TRIM14: variants seen among roughly 807,000 people sequenced by gnomAD.
The protein encoded by TRIM14 is tripartite motif containing 14.
In TRIM14, 28 loss-of-function variants were observed where a neutral mutation model predicts 44.5. That is an observed-to-expected ratio of 0.63 (90% CI 0.47 to 0.86). The LOEUF is 0.86. TRIM14 is among the 40% of genes least tolerant of loss of function. The pLI is 0.00. For synonymous variants in TRIM14, 299 were observed against 269.2 expected (o/e 1.11, Z -1.08); for missense variants, 607 against 611.1 (o/e 0.99, Z 0.07).
the TRIM14 span, among the ~76,000 whole-genome samples, chr9:98,050,012 G>C: frequency 3.3e-5 from 5 of 152,170 alleles, no homozygotes; most frequent in Non-Finnish European, 5.9e-5. Context: ...GAAGATTTAT[G>C]GACAGGAAAA....
chr9:98,062,344 T>C, the TRIM14 span, among the ~76,000 whole-genome samples: 7 of 152,056 alleles, frequency 4.6e-5, no homozygotes, highest in African/African-American at 1.4e-4. Flanking sequence ...TCACCGGTGG[T>C]TTTTGGCTTG....
chr9:98,092,421 G>T (rs1196365962), intron 4 of TRIM14: 1 of 314,668 alleles, frequency 3.2e-6, no homozygotes, highest in African/African-American at 2.2e-5. Context: ...CCTCTGCCTG[G>T]ACAGCCCCCC....
chr9:98,049,942 A>T, the TRIM14 span, among the ~76,000 whole-genome samples: 1 of 152,218 alleles, frequency 6.6e-6, no homozygotes, highest in African/African-American at 2.4e-5. Flanking sequence ...CAAGTCACGA[A>T]TTGAGCAGCT....
Position 98,084,587 on chromosome 9 carries a change from C to CTGAGTGCTGAGTGCTGAGAG in TRIM14, c.*2882_*2883insCTCTCAGCACTCAGCACTCA, listed in dbSNP as rs1554731348. On this transcript the variant is annotated 3_prime_UTR_variant, in exon 6 of 6. Transcript: ENST00000341469. The stretch of plus-strand genomic sequence containing the variant: ...TGCTGCCACATGGCAGCTGGGAATA[C>CTGAGTGCTGAGTGCTGAGAG]CAGTAGTCTCAGCACTCGGTCAGTA... 1 of 152,202 alleles carries CTGAGTGCTGAGTGCTGAGAG rather than the reference C, an allele frequency of 6.6e-6. No homozygotes were observed. The highest frequency in any genetic ancestry group is 1.5e-5 in the Non-Finnish European group (1 of 68,034). 9.4% of individuals were successfully genotyped at this position (152,202 alleles called of 1,614,324 possible).
chr9:98,103,363 C>T lies in TRIM14; in HGVS notation c.304-3199G>A, dbSNP rs78297486. ...AAACCTGTATATGGACATATGTATA[C>T]ATCTATATATTTGCAAGTGCAATTA... On this transcript the variant is annotated intron_variant, in intron 2 of 5. Transcript: ENST00000341469. 3.5e-3 allele frequency among the ~76,000 whole-genome samples: 532 copies of T among 151,902 alleles called. 2 individuals are homozygous for T. The highest frequency in any genetic ancestry group is 0.014 in the Middle Eastern group (4 of 290).
the TRIM14 span, among the ~76,000 whole-genome samples, chr9:98,062,768 G>A: frequency 1.5e-5 from 2 of 135,656 alleles, no homozygotes; most frequent in African/African-American, 5.4e-5. Context: ...GGATACGGAA[G>A]TTATTTCAGT....
the TRIM14 span, among the ~76,000 whole-genome samples, chr9:98,046,614 C>T: frequency 6.6e-6 from 1 of 151,930 alleles, no homozygotes. Context: ...GCTAATTTTG[C>T]ATTCTTATTA....
downstream of TRIM14, among the ~76,000 whole-genome samples, chr9:98,066,673 C>T (rs1283787447): frequency 4.0e-5 from 6 of 148,780 alleles, no homozygotes; most frequent in Non-Finnish European, 8.9e-5. Flanking sequence ...TTTTTTGAGA[C>T]AGAGTCTCGC....
chr9:98,086,344 TCTG>T lies in TRIM14; in HGVS notation c.*1123_*1125del, dbSNP rs1381532260. The T allele has an allele frequency of 6.6e-6, 1 of 152,258 alleles. No individual in the cohort carries two copies. The highest frequency in any genetic ancestry group is 1.9e-4 in the East Asian group (1 of 5,196). 9.4% of individuals were successfully genotyped at this position (152,258 alleles called of 1,614,324 possible). On this transcript the variant is annotated 3_prime_UTR_variant, in exon 6 of 6. Transcript: ENST00000341469. ...TCACCCCGGGGTAACTTTACGCAGCTCTGCTTTCTTTCAGGACCTCAGACTCCC... is the reference window on the plus strand; with the variant it reads ...TCACCCCGGGGTAACTTTACGCAGCTCTTTCTTTCAGGACCTCAGACTCCC...
rs766055755 is a variant in TRIM14 at position 98,109,873 on chromosome 9, A to C, written c.303+16T>G. 5 of 1,601,858 alleles carry C rather than the reference A, an allele frequency of 3.1e-6. No individual in the cohort carries two copies. The highest frequency in any genetic ancestry group is 1.1e-5 in the South Asian group (1 of 90,842). On this transcript the variant is annotated intron_variant, in intron 2 of 5. Transcript: ENST00000341469. Reference sequence around the variant, plus strand: ...GTGGGTCTTTCCATGGGTATGAGGAAGAAATGTCCACTTGCCTTGAGCTTC... The same window carrying C: ...GTGGGTCTTTCCATGGGTATGAGGACGAAATGTCCACTTGCCTTGAGCTTC...
chr9:98,035,977 G>C, the TRIM14 span, among the ~76,000 whole-genome samples: 1 of 151,966 alleles, frequency 6.6e-6, no homozygotes, highest in African/African-American at 2.4e-5. Context: ...TTGGGAGGCC[G>C]AGGTGGGTGG....
chr9:98,103,651 A>G (rs1826485093), intron 2 of TRIM14, among the ~76,000 whole-genome samples: 1 of 152,110 alleles, frequency 6.6e-6, no homozygotes, highest in Non-Finnish European at 1.5e-5. Flanking sequence ...ATCCTGGCCA[A>G]CATGGTGAAA....
downstream of TRIM14, among the ~76,000 whole-genome samples, chr9:98,067,193 G>A (rs773706239): frequency 1.3e-5 from 2 of 152,084 alleles, no homozygotes; most frequent in Non-Finnish European, 2.9e-5. Flanking sequence ...CTCTTTGGCT[G>A]TTATGAATAA....
the TRIM14 span, among the ~76,000 whole-genome samples, chr9:98,048,673 G>T: frequency 1.3e-5 from 2 of 152,190 alleles, no homozygotes; most frequent in African/African-American, 4.8e-5. Context: ...TATTAGGTTT[G>T]CTAAATGCTT....
At chr9:98,041,144 T>C in the TRIM14 span, among the ~76,000 whole-genome samples, 2 of 151,980 alleles carry the variant, frequency 1.3e-5, no homozygotes, top group Non-Finnish European at 2.9e-5. Context: ...TACTATTAGG[T>C]AAATAATGAG....
chr9:98,080,362 ATTAT>A (rs1472807916), downstream of TRIM14, among the ~76,000 whole-genome samples: 4 of 152,214 alleles, frequency 2.6e-5, no homozygotes, highest in East Asian at 3.8e-4. Context: ...TAACGGATTA[ATTAT>A]TTATCATTTT....
rs1380192461 is a variant in TRIM14 at position 98,118,906 on chromosome 9, GCC to G, written c.207+74_207+75del. 2.2e-6 allele frequency: 3 copies of G among 1,392,894 alleles called. No individual in the cohort carries two copies. In the Admixed American group the frequency reaches 9.3e-5, roughly 43 times the overall value. 86.3% of individuals were successfully genotyped at this position (1,392,894 alleles called of 1,614,324 possible). On this transcript the variant is annotated intron_variant, in intron 1 of 5. Transcript: ENST00000341469. ...CCCGCCACTGGCCACGGCCAGGCAC[GCC>G]CCCTCCTCGGCCGTTATGCCTGGGC...
chr9:98,105,318 G>A (rs1258461612), intron 2 of TRIM14, among the ~76,000 whole-genome samples: 1 of 152,232 alleles, frequency 6.6e-6, no homozygotes, highest in Non-Finnish European at 1.5e-5. Flanking sequence ...CTGCTCTGTA[G>A]GACAGAGGGG....
intron 5 of TRIM14, among the ~76,000 whole-genome samples, chr9:98,088,416 G>A (rs1419789570): frequency 4.0e-5 from 6 of 151,380 alleles, no homozygotes; most frequent in African/African-American, 9.7e-5. Flanking sequence ...GTGCAGTGGC[G>A]CGATCTCCGC....
Sources: allele counts gnomAD v4.1 joint callset (sites outside exome capture counted in the v4.1 genomes callset), GRCh38; gene constraint gnomAD v4.1.1; transcripts MANE v1.5; gene names NCBI Gene and HGNC (gene_info 2026-07-23, HGNC 2026-07-21).